The following UBR4 variants were observed in gnomAD, a reference collection of about 807,000 sequenced individuals.
The protein encoded by UBR4 is ubiquitin protein ligase E3 component n-recognin 4.
In UBR4, 124 loss-of-function variants were observed where a neutral mutation model predicts 575.6. The observed-to-expected ratio is 0.22, with a 90% CI of 0.19 to 0.25. The LOEUF is 0.25. UBR4 is among the 10% of genes least tolerant of loss of function. The pLI, the probability that UBR4 is intolerant of heterozygous loss-of-function variation, is 1.00. For missense variants in UBR4, 4,818 were observed against 6,478.8 expected (o/e 0.74, Z 8.80); for synonymous variants, 2,455 against 2,473.7 (o/e 0.99, Z 0.22).
intron 103 of UBR4, chr1:19,079,798 T>A (rs1271930224): frequency 6.6e-6 from 1 of 152,250 alleles, no homozygotes; most frequent in Non-Finnish European, 1.5e-5. Context: ...ACCACGGCCG[T>A]ATTTGGCCCT....
chr1:19,150,706 T>G lies in UBR4; in HGVS notation c.7301A>C (p.Asp2434Ala). ...AGAAGGGAATTCTTCTGGGGGCTCA[T>G]CAGGCCAGCCAAACTGCTCCTTAGT... is the stretch of plus-strand genomic sequence containing the variant. ...GKTKEQFGWPDEPPEEFPSAS... is the reference protein window; with the variant it reads ...GKTKEQFGWPAEPPEEFPSAS... Residue 2434 changes from aspartate to alanine, a missense_variant, in exon 49 of 106, where the codon GAT (aspartate) becomes GCT (alanine). This residue lies in a region of UBR4 where 340 missense variants were observed against 375.4 expected (regional missense o/e 0.91). Transcript: ENST00000375254. 1 of 1,614,094 alleles carries G rather than the reference T, an allele frequency of 6.2e-7. No individual in the cohort carries two copies.
At chr1:19,119,047 C>G in intron 70 of UBR4, 90 bp from the exon 71 acceptor site, 1 of 1,135,366 alleles carries the variant, frequency 8.8e-7, no homozygotes, top group Non-Finnish European at 1.3e-6. Context: ...TAGCTGAATA[C>G]TGCCCTAGAC....
chr1:19,197,478 A>T (rs1025274889), intron 7 of UBR4, among the ~76,000 whole-genome samples, 192 bp downstream of exon 7: 2 of 152,054 alleles, frequency 1.3e-5, no homozygotes, highest in African/African-American at 2.4e-5. Context: ...AAAATACAAA[A>T]ATTAGCCAGC....
intron 8 of UBR4, among the ~76,000 whole-genome samples, chr1:19,195,563 T>C (rs550227626): frequency 5.3e-5 from 8 of 152,124 alleles, no homozygotes; most frequent in Admixed American, 3.3e-4. Flanking sequence ...TCAAAATAAA[T>C]AAACCCCAAA....
At chr1:19,160,860 C>A (rs2087229534) in intron 38 of UBR4, 57 bp downstream of exon 38, 1 of 1,550,294 alleles carries the variant, frequency 6.5e-7, no homozygotes, top group Non-Finnish European at 8.9e-7. Flanking sequence ...TACTCTCACA[C>A]CAATTCAACA....
At chr1:19,198,749 AG>A in intron 4 of UBR4, 49 bp downstream of exon 4, 1 of 1,612,442 alleles carries the variant, frequency 6.2e-7, no homozygotes, top group East Asian at 2.2e-5. Context: ...GCCATGGAAA[AG>A]GTGCCATGGG....
intron 55 of UBR4, among the ~76,000 whole-genome samples, chr1:19,142,949 C>T (rs1469948395): frequency 6.6e-6 from 1 of 151,826 alleles, no homozygotes; most frequent in Non-Finnish European, 1.5e-5. Flanking sequence ...TGGTGAAACC[C>T]TGTCTCTACT....
rs117829833 is a variant in UBR4, at chr1:19,076,960, G to A, written c.15325-58C>T. The A allele has an allele frequency of 2.3e-4, 343 of 1,508,906 alleles. 2 individuals are homozygous for A. The East Asian group carries it at 4.7e-3, about 21-fold the overall frequency. The allele number at this position is 1,508,906 out of a possible 1,614,324, so 93.5% of individuals were successfully genotyped here. A position where few individuals can be genotyped will look rare whatever the true frequency, so the allele number is the denominator to read the frequency against. ...GTGACTTACTGCTGCCTCATCTTCC[G>A]CCTCAAGTCAGTCAGGCCATTTCAA... On this transcript the variant is annotated intron_variant, in intron 104 of 105. Coordinates refer to ENST00000375254, the MANE Select transcript of UBR4 (RefSeq NM_020765.3).
intron 86 of UBR4, 57 bp from the exon 87 acceptor site, chr1:19,104,314 C>T: frequency 6.3e-7 from 1 of 1,586,682 alleles, no homozygotes; most frequent in Non-Finnish European, 8.6e-7. Flanking sequence ...TAAGGACAGT[C>T]TGTGTCTCAA....
At chr1:19,195,289 A>ATAAT (rs1414457562) in intron 8 of UBR4, among the ~76,000 whole-genome samples, 3 of 148,784 alleles carry the variant, frequency 2.0e-5, no homozygotes, top group African/African-American at 7.3e-5. Context: ...AATAATAATA[A>ATAAT]TAGTAAAATC....
Position 19,177,493 on chromosome 1 carries a change from A to T in UBR4, c.2605T>A (p.Tyr869Asn), listed in dbSNP as rs1481507422. The change falls in exon 19 of 106, where the codon TAC becomes AAC. Residue 869 changes from tyrosine to asparagine, a missense_variant. Coordinates refer to ENST00000375254, the MANE Select transcript of UBR4 (RefSeq NM_020765.3). ...AATAGATACACAGGGGCTTTGGAGT[A>T]CTGATGAAGCAGATAATCAAAGATG... ...LLIFDYLLHQ[Y>N]SKAPVYLFEQ... 1 of 1,614,234 alleles carries T rather than the reference A, an allele frequency of 6.2e-7. No individual in the cohort carries two copies. Among genetic ancestry groups the T allele is most frequent in the African/African-American group, 1.3e-5 (1 of 75,070 alleles).
At position 19,106,825 on chromosome 1, in the gene UBR4, A is replaced by G; in HGVS notation, c.12235+12T>C. ...GGCAGGACTTCCCGGCGTCTTGAAG[A>G]GAAAGATATACCTCTGATAGGAAGA... On this transcript the variant is annotated intron_variant, in intron 82 of 105. Transcript: ENST00000375254. 1 of 1,611,192 alleles carries G rather than the reference A, an allele frequency of 6.2e-7. No individual in the cohort carries two copies. Among genetic ancestry groups the G allele is most frequent in the Non-Finnish European group, 8.5e-7 (1 of 1,177,508 alleles).
Position 19,119,600 on chromosome 1 carries a change from A to G in UBR4, c.10412T>C (p.Leu3471Pro), listed in dbSNP as rs746367749. The G allele has an allele frequency of 6.2e-7, 1 of 1,614,082 alleles. No individual in the cohort carries two copies. Among genetic ancestry groups the G allele is most frequent in the Non-Finnish European group, 8.5e-7 (1 of 1,179,912 alleles). The change falls in exon 70 of 106, where the codon CTA becomes CCA. Residue 3471 changes from leucine to proline, a missense_variant. By Grantham distance (98) the Leu-to-Pro change is moderately conservative. Transcript: ENST00000375254. ...YGRKAAQFVD[L>P]LGYFSLKTPQ... is the part of the protein sequence containing the mutation. ...AGTTTTCAGGGAGAAATATCCTAGT[A>G]GGTCCACAAACTGGGCAGCCTTACG...
intron 102 of UBR4, among the ~76,000 whole-genome samples, chr1:19,083,559 T>C (rs970893246): frequency 6.6e-6 from 1 of 152,140 alleles, no homozygotes; most frequent in African/African-American, 2.4e-5. Context: ...CTTTGAGACA[T>C]GGTCTTGCTC....
intron 97 of UBR4, among the ~76,000 whole-genome samples, chr1:19,092,183 A>AT (rs1251732026): frequency 1.3e-5 from 2 of 152,138 alleles, no homozygotes; most frequent in Non-Finnish European, 2.9e-5. Context: ...TCCTGATGGC[A>AT]CTGATGTCTA....
At chr1:19,105,690 G>T in intron 84 of UBR4, 43 bp downstream of exon 84, 2 of 1,448,574 alleles carry the variant, frequency 1.4e-6, no homozygotes, top group South Asian at 1.4e-5. Context: ...AAAGGCTCTA[G>T]AGCAAGTCTA....
intron 103 of UBR4, chr1:19,080,694 C>T (rs1270238064): frequency 6.6e-6 from 1 of 152,236 alleles, no homozygotes; most frequent in Non-Finnish European, 1.5e-5. Context: ...GAGTGGTACC[C>T]ATGGGGTCTC....
chr1:19,162,350 C>A, intron 35 of UBR4, 70 bp downstream of exon 35: 1 of 1,514,846 alleles, frequency 6.6e-7, no homozygotes, highest in South Asian at 1.3e-5. Flanking sequence ...GAAAACAGAG[C>A]CAAAAGCTTG....
intron 1 of UBR4, among the ~76,000 whole-genome samples, chr1:19,209,564 G>A (rs955127196): frequency 6.6e-6 from 1 of 152,194 alleles, no homozygotes; most frequent in Non-Finnish European, 1.5e-5. Flanking sequence ...CGATACAGTA[G>A]GAATGCACAA....
Sources: allele counts gnomAD v4.1 joint callset (sites outside exome capture counted in the v4.1 genomes callset), GRCh38; gene constraint gnomAD v4.1.1; regional missense constraint gnomAD v4.1.1; transcripts MANE v1.5; gene names NCBI Gene and HGNC (gene_info 2026-07-23, HGNC 2026-07-21).